Variants in VWA8 observed in about 807,000 individuals in gnomAD.
VWA8 encodes von Willebrand factor A domain containing 8.
A neutral mutation model predicts 241.5 loss-of-function variants in VWA8; 221 were observed. That is an observed-to-expected ratio of 0.91 (90% confidence interval 0.82 to 1.02). The LOEUF (loss-of-function observed/expected upper bound fraction) is 1.02, where lower values mean the gene tolerates loss of function less well. VWA8 is among the 50% of genes least tolerant of loss of function. The probability of loss-of-function intolerance (pLI) is 0.00; values close to 1 mark genes in which losing one functional copy is unlikely to be tolerated. For synonymous variants in VWA8, 852 were observed against 827.1 expected, an observed-to-expected ratio of 1.03 and a Z score of -0.52; for missense variants, 2,322 against 2,328.7, an observed-to-expected ratio of 1.00 and a Z score of 0.06.
Position 41,642,822 on chromosome 13 carries a change from G to A in VWA8, c.4612-27738C>T, listed in dbSNP as rs181334619. Among the ~76,000 whole-genome samples the A allele has an allele frequency of 1.3e-3, 199 of 151,978 alleles. 1 individual carries two copies. The highest frequency in any genetic ancestry group is 2.0e-3 in the Non-Finnish European group (135 of 67,966). On this transcript the variant is annotated intron_variant, in intron 37 of 44. Transcript: ENST00000379310. ...CAGGCACCTGTGGTCCCAGCTACTCGGGAGGCTGAGATAGGAGAAATGCTT... is the reference window on the plus strand; with the variant it reads ...CAGGCACCTGTGGTCCCAGCTACTCAGGAGGCTGAGATAGGAGAAATGCTT...
rs184374374 is a variant in VWA8 at position 41,818,279 on chromosome 13, A to C, written c.1869+939T>G. Among the ~76,000 whole-genome samples, 542 of 147,506 alleles carry C rather than the reference A, an allele frequency of 3.7e-3. 2 individuals carry two copies. Among genetic ancestry groups the C allele is most frequent in the African/African-American group, 0.013 (514 of 40,714 alleles). On this transcript the variant is annotated intron_variant, in intron 15 of 44. Coordinates refer to ENST00000379310, the MANE Select transcript of VWA8 (RefSeq NM_015058.2). ...CACCTGGCCGAATTTTTAAAAAATT[A>C]ATTTAACATGGTCAGGTGTGGTGGC...
chr13:41,887,255 A>G lies in VWA8; in HGVS notation c.758T>C (p.Leu253Ser). The change falls in exon 6 of 45, where the codon TTA becomes TCA. Residue 253 changes from leucine to serine, a missense_variant. Physicochemically the swap from Leu to Ser is moderately radical, Grantham distance 145 (BLOSUM62 -2). Transcript: ENST00000379310. ...LPVPRYSGNP[L>S]DPPLRSRFQA... ...AAATCGAGAACGAAGAGGGGGGTCTAATGGATTCCCAGAATACCTTGGCAC... is the reference window on the plus strand; with the variant it reads ...AAATCGAGAACGAAGAGGGGGGTCTGATGGATTCCCAGAATACCTTGGCAC... 6.2e-7 allele frequency: 1 copy of G among 1,613,848 alleles called. No individual in the cohort carries two copies. The highest frequency in any genetic ancestry group is 8.5e-7 in the Non-Finnish European group (1 of 1,179,896).
chr13:41,572,485 T>C (rs2044314214), intron 43 of VWA8, among the ~76,000 whole-genome samples: 1 of 152,218 alleles, frequency 6.6e-6, no homozygotes, highest in Admixed American at 6.5e-5. Flanking sequence ...TGTTAATCTA[T>C]AACCTTACCC....
intron 2 of VWA8, among the ~76,000 whole-genome samples, chr13:41,937,652 T>TGG (rs1877411355): frequency 6.6e-6 from 1 of 152,176 alleles, no homozygotes; most frequent in Non-Finnish European, 1.5e-5. Context: ...ACCCATCAGT[T>TGG]ATACCATGTA....
intron 26 of VWA8, chr13:41,719,285 G>C: frequency 3.9e-6 from 4 of 1,037,424 alleles, no homozygotes; most frequent in Non-Finnish European, 2.4e-6. Flanking sequence ...ATGTGCACTG[G>C]ATTATACGAA....
In VWA8 at chr13:41,793,006, CT is replaced by C. The variant is rs774731177; in HGVS notation, c.2064-5464del. ...AATCATATAACCTAGGGCAAATGTA[CT>C]TGCTAAAAGTGCTGAAAGATATTCT... On this transcript the variant is annotated intron_variant, in intron 17 of 44. Coordinates refer to ENST00000379310, the MANE Select transcript of VWA8 (RefSeq NM_015058.2). Among the ~76,000 whole-genome samples, 16 of 152,128 alleles carry C rather than the reference CT, an allele frequency of 1.1e-4. No homozygotes were observed. The East Asian group carries it at 1.4e-3, about 13-fold the overall frequency.
At chr13:41,689,608 A>T in intron 33 of VWA8, 100 bp from the exon 34 acceptor site, 2 of 1,194,424 alleles carry the variant, frequency 1.7e-6, no homozygotes, top group Non-Finnish European at 2.2e-6. Context: ...GAAAAGAACA[A>T]GTTAAAAAAG....
intron 2 of VWA8, among the ~76,000 whole-genome samples, chr13:41,920,272 G>C (rs969568478): frequency 6.6e-6 from 1 of 152,070 alleles, no homozygotes; most frequent in African/African-American, 2.4e-5. Flanking sequence ...CTGAACCTTT[G>C]AGGCTCCCCT....
chr13:41,645,885 A>C (rs1026600232), intron 37 of VWA8, among the ~76,000 whole-genome samples: 1 of 152,172 alleles, frequency 6.6e-6, no homozygotes, highest in Admixed American at 6.5e-5. Context: ...ATCTGAAAGA[A>C]GAAAGGTATT....
intron 17 of VWA8, among the ~76,000 whole-genome samples, chr13:41,808,178 A>T (rs1870303661): frequency 6.6e-6 from 1 of 152,220 alleles, no homozygotes. Context: ...TTTTAAAAAA[A>T]CACTGAGTAT....
At chr13:41,838,944 C>T (rs1421051775) in intron 12 of VWA8, among the ~76,000 whole-genome samples, 1 of 152,158 alleles carries the variant, frequency 6.6e-6, no homozygotes, top group Non-Finnish European at 1.5e-5. Flanking sequence ...GTGAATAGTG[C>T]TGCAATAAAT....
intron 23 of VWA8, 53 bp from the exon 24 acceptor site, chr13:41,727,366 T>C (rs199857097): frequency 1.5e-4 from 176 of 1,167,246 alleles, no homozygotes; most frequent in Admixed American, 2.4e-4. Flanking sequence ...TTCTTAAAAA[T>C]ATCAAGCAAC....
At chr13:41,936,693 G>A (rs1253987679) in intron 2 of VWA8, among the ~76,000 whole-genome samples, 1 of 152,116 alleles carries the variant, frequency 6.6e-6, no homozygotes, top group Non-Finnish European at 1.5e-5. Flanking sequence ...ACAATATAGT[G>A]ACTATAGTTA....
chr13:41,876,682 T>C (rs1444270530), intron 9 of VWA8, among the ~76,000 whole-genome samples: 2 of 152,146 alleles, frequency 1.3e-5, no homozygotes, highest in African/African-American at 4.8e-5. Flanking sequence ...GCCTGGCTAA[T>C]TGATTGGATG....
intron 33 of VWA8, among the ~76,000 whole-genome samples, chr13:41,689,786 AAC>A (rs2045163195): frequency 6.6e-6 from 1 of 152,090 alleles, no homozygotes; most frequent in Admixed American, 6.6e-5. Flanking sequence ...AAACTGACCC[AAC>A]CAAGGGTTGG....
chr13:41,843,749 TA>T (rs1872163522), intron 12 of VWA8, among the ~76,000 whole-genome samples: 1 of 151,956 alleles, frequency 6.6e-6, no homozygotes, highest in Non-Finnish European at 1.5e-5. Context: ...AGGAAATGGA[TA>T]AATTCCTGGA....
At chr13:41,891,789 T>C (rs1874860023) in intron 4 of VWA8, among the ~76,000 whole-genome samples, 1 of 152,164 alleles carries the variant, frequency 6.6e-6, no homozygotes, top group African/African-American at 2.4e-5. Flanking sequence ...TGTTTATTCG[T>C]TTGTAAAATA....
chr13:41,578,316 C>T (rs536541931), intron 42 of VWA8, among the ~76,000 whole-genome samples: 1 of 152,302 alleles, frequency 6.6e-6, no homozygotes, highest in African/African-American at 2.4e-5. Context: ...GGTTTCTCAT[C>T]TTCCAGATGG....
chr13:41,734,368 G>A (rs1169287412), intron 21 of VWA8, among the ~76,000 whole-genome samples: 1 of 152,122 alleles, frequency 6.6e-6, no homozygotes, highest in African/African-American at 2.4e-5. Flanking sequence ...TCTAAGGAAT[G>A]CATCTGTAGG....
Sources: allele counts gnomAD v4.1 joint callset (sites outside exome capture counted in the v4.1 genomes callset), GRCh38; gene constraint gnomAD v4.1.1; transcripts MANE v1.5; gene names NCBI Gene and HGNC (gene_info 2026-07-23, HGNC 2026-07-21).